Variants in CAMK2D observed in about 807,000 individuals in gnomAD.
CAMK2D encodes calcium/calmodulin dependent protein kinase II delta.
A neutral mutation model predicts 84.0 loss-of-function variants in CAMK2D; 37 were observed. The ratio of observed to expected loss-of-function variants is 0.44; its 90% CI spans 0.34 to 0.58. The LOEUF (loss-of-function observed/expected upper bound fraction) is 0.58, where lower values mean the gene tolerates loss of function less well. Ranked by LOEUF, CAMK2D falls within the 20% of genes least tolerant of loss-of-function variation. CAMK2D has a pLI of 0.02. For synonymous variants in CAMK2D, 202 were observed against 212.5 expected (o/e 0.95, Z 0.43); for missense variants, 448 against 652.5 (o/e 0.69, Z 3.41).
In CAMK2D at chr4:113,477,694, C is replaced by A. The variant is rs182550049; in HGVS notation, c.1136-12090G>T. Among the ~76,000 whole-genome samples, 151 of 142,388 alleles carry A rather than the reference C, an allele frequency of 1.1e-3. 3 individuals carry two copies. The East Asian group carries it at 0.025, about 23-fold the overall frequency. The allele number at this position is 142,388 out of a possible 152,430, so 93.4% of individuals were successfully genotyped here. On this transcript the variant is annotated intron_variant, in intron 16 of 20. Transcript: ENST00000511664. Reference sequence around the variant, plus strand: ...GTGGGTGGTGGAGGTTGAAGTGAGCCGAGATTGTGCCACTGCACTCCAGCC... The same window carrying A: ...GTGGGTGGTGGAGGTTGAAGTGAGCAGAGATTGTGCCACTGCACTCCAGCC...
intron 6 of CAMK2D, among the ~76,000 whole-genome samples, chr4:113,541,401 C>G (rs2098529014): frequency 6.6e-6 from 1 of 152,062 alleles, no homozygotes; most frequent in South Asian, 2.1e-4. Flanking sequence ...TACCCATATC[C>G]AAAACTTATG....
chr4:113,494,433 C>T (rs1207542103), intron 16 of CAMK2D, among the ~76,000 whole-genome samples: 1 of 152,108 alleles, frequency 6.6e-6, no homozygotes, highest in Non-Finnish European at 1.5e-5. Flanking sequence ...CTGGGGGGTG[C>T]CTCCCAGTTA....
chr4:113,661,838 A>G (rs2099234105), intron 2 of CAMK2D, 66 bp from the exon 3 acceptor site: 1 of 774,234 alleles, frequency 1.3e-6, no homozygotes, highest in Admixed American at 2.7e-5. Context: ...AATAAACAGC[A>G]TAACAAAATG....
intron 2 of CAMK2D, among the ~76,000 whole-genome samples, chr4:113,734,895 G>GAA (rs59263885): frequency 0.022 from 2,561 of 114,792 alleles, 91 homozygotes; most frequent in African/African-American, 0.067. Context: ...TAGGAAAATG[G>GAA]AAAAAAAAAA....
At chr4:113,569,751 A>C (rs1460013937) in intron 4 of CAMK2D, among the ~76,000 whole-genome samples, 8 of 152,204 alleles carry the variant, frequency 5.3e-5, no homozygotes, top group Admixed American at 5.2e-4. Context: ...TCTCTACAAA[A>C]ACATTAAATT....
chr4:113,558,470 A>G (rs2098680707), intron 4 of CAMK2D, among the ~76,000 whole-genome samples: 1 of 152,094 alleles, frequency 6.6e-6, no homozygotes, highest in Admixed American at 6.6e-5. Context: ...GATTCAACCA[A>G]CTGAGGATCA....
chr4:113,540,856 T>A (rs1454028024), intron 6 of CAMK2D, among the ~76,000 whole-genome samples: 1 of 152,170 alleles, frequency 6.6e-6, no homozygotes, highest in African/African-American at 2.4e-5. Flanking sequence ...ATTGAGAGGA[T>A]CTTTAGATTC....
intron 17 of CAMK2D, among the ~76,000 whole-genome samples, chr4:113,462,154 C>A (rs1364634296): frequency 6.6e-6 from 1 of 152,100 alleles, no homozygotes; most frequent in Non-Finnish European, 1.5e-5. Flanking sequence ...TTGTCATTAT[C>A]AGTGAACCAA....
chr4:113,573,561 G>A (rs981788011), intron 4 of CAMK2D, among the ~76,000 whole-genome samples: 51 of 152,292 alleles, frequency 3.3e-4, no homozygotes, highest in African/African-American at 1.2e-3. Context: ...TACCAAAAAC[G>A]TGGGTGCAAC....
At chr4:113,511,699 G>A (rs936666308) in intron 12 of CAMK2D, among the ~76,000 whole-genome samples, 2 of 152,068 alleles carry the variant, frequency 1.3e-5, no homozygotes, top group Admixed American at 1.3e-4. Context: ...ATTAATCAAT[G>A]GTTTATGAAA....
At chr4:113,517,531 C>T in intron 9 of CAMK2D, 32 bp downstream of exon 9, 1 of 1,011,326 alleles carries the variant, frequency 9.9e-7, no homozygotes, top group Non-Finnish European at 1.5e-6. Flanking sequence ...GACAAACCTT[C>T]ATCTAAAGTG....
intron 2 of CAMK2D, among the ~76,000 whole-genome samples, chr4:113,674,248 T>C (rs917261685): frequency 2.6e-5 from 4 of 152,200 alleles, no homozygotes; most frequent in African/African-American, 9.6e-5. Context: ...GATTCTGATA[T>C]TGAATTTATG....
intron 7 of CAMK2D, among the ~76,000 whole-genome samples, chr4:113,532,437 T>C (rs1176542200): frequency 6.6e-6 from 1 of 152,118 alleles, no homozygotes; most frequent in Non-Finnish European, 1.5e-5. Context: ...TTGAAATAAA[T>C]ATTTGGTTGG....
intron 2 of CAMK2D, among the ~76,000 whole-genome samples, chr4:113,668,099 T>G (rs958515245): frequency 3.3e-5 from 5 of 152,026 alleles, no homozygotes; most frequent in African/African-American, 1.2e-4. Context: ...GGCTTCCTTG[T>G]GGAGAAGCTC....
intron 2 of CAMK2D, among the ~76,000 whole-genome samples, chr4:113,755,955 T>G (rs974284091): frequency 1.3e-5 from 2 of 152,008 alleles, no homozygotes; most frequent in Non-Finnish European, 2.9e-5. Flanking sequence ...ACATATAAAA[T>G]ATAAGATGCT....
chr4:113,726,856 A>G (rs55790930), intron 2 of CAMK2D, among the ~76,000 whole-genome samples: 28,467 of 152,060 alleles, frequency 0.19, 5,086 homozygotes, highest in African/African-American at 0.47. Context: ...TTTTTGGAAA[A>G]CAATTTTTTT....
chr4:113,630,422 G>A (rs1424769375), intron 3 of CAMK2D, among the ~76,000 whole-genome samples: 1 of 152,120 alleles, frequency 6.6e-6, no homozygotes, highest in African/African-American at 2.4e-5. Context: ...ATTGTTGACT[G>A]CAAACACTTG....
At chr4:113,588,368 T>A (rs1277094473) in intron 4 of CAMK2D, among the ~76,000 whole-genome samples, 1 of 152,084 alleles carries the variant, frequency 6.6e-6, no homozygotes, top group East Asian at 1.9e-4. Context: ...TAAAGAAAAA[T>A]CATATTTCAA....
In CAMK2D at chr4:113,457,543, G is replaced by A. The variant is rs934041904; in HGVS notation, c.1327C>T (p.Pro443Ser). 7 of 1,613,170 alleles carry A rather than the reference G, an allele frequency of 4.3e-6. No individual in the cohort carries two copies. In the African/African-American group the frequency reaches 6.7e-5, roughly 15 times the overall value. The change falls in exon 19 of 21, where the codon CCA becomes TCA. Residue 443 changes from proline to serine, a missense_variant. By Grantham distance (74) the Pro-to-Ser change is moderately conservative. Around this residue, in one of 7 missense-constraint regions of CAMK2D, gnomAD observed 219 missense variants for 272.1 expected, o/e 0.80. Coordinates refer to ENST00000511664, the MANE Select transcript of CAMK2D (RefSeq NM_001321571.2). ...FENALSKSNK[P>S]IHTIILNPHV... The stretch of plus-strand genomic sequence containing the variant: ...GGGTTTAGAATAATAGTGTGGATTG[G>A]TTTATTGCTTTTGGACAAAGCTGAA...
Sources: gnomAD v4.1 joint callset for allele counts (sites outside exome capture counted in the v4.1 genomes callset) on GRCh38, gnomAD v4.1.1 for gene constraint, gnomAD v4.1.1 regional missense constraint, MANE v1.5 for transcripts, NCBI Gene and HGNC (gene_info 2026-07-23, HGNC 2026-07-21) for gene names.